The following GHR variants were observed in gnomAD, a reference collection of about 807,000 sequenced individuals.
GHR encodes GH receptor.
GHR carries 35 observed loss-of-function variants against 67.1 expected under a neutral mutation model. The ratio of observed to expected loss-of-function variants is 0.52; its 90% CI spans 0.40 to 0.69. GHR has a LOEUF of 0.69. GHR is among the 30% of genes least tolerant of loss of function. The probability of loss-of-function intolerance (pLI) is 0.00; values close to 1 mark genes in which losing one functional copy is unlikely to be tolerated. For synonymous variants in GHR, 272 were observed against 269.1 expected, an observed-to-expected ratio of 1.01 and a Z score of -0.10; for missense variants, 792 against 764.6, an observed-to-expected ratio of 1.04 and a Z score of -0.42.
At position 42,688,942 on chromosome 5, in the gene GHR, T is replaced by A. The variant is rs2111657575; in HGVS notation, c.189T>A (p.Thr63=). 6.2e-7 allele frequency: 1 copy of A among 1,613,218 alleles called. No homozygotes were observed. Among genetic ancestry groups the A allele is most frequent in the African/African-American group, 1.3e-5 (1 of 75,028 alleles). Reference sequence around the variant, plus strand: ...AGTGCCGTTCACCTGAGCGAGAGACTTTTTCATGCCACTGGACAGATGAGG... The same window carrying A: ...AGTGCCGTTCACCTGAGCGAGAGACATTTTCATGCCACTGGACAGATGAGG... The part of the protein sequence containing the change: ...FTKCRSPERE[T]FSCHWTDEVH... The change falls in exon 4 of 10, where the codon ACT becomes ACA. Residue 63 remains threonine, a synonymous_variant. Coordinates refer to ENST00000230882, the MANE Select transcript of GHR (RefSeq NM_000163.5).
At chr5:42,620,404 G>A (rs1051359664) in intron 2 of GHR, among the ~76,000 whole-genome samples, 1 of 152,124 alleles carries the variant, frequency 6.6e-6, no homozygotes, top group Non-Finnish European at 1.5e-5. Context: ...AGGAGAATAA[G>A]CCATGATCCT....
chr5:42,552,938 C>T (rs1023692495), intron 1 of GHR, among the ~76,000 whole-genome samples: 9 of 152,162 alleles, frequency 5.9e-5, no homozygotes, highest in African/African-American at 1.2e-4. Context: ...TATCACTTAT[C>T]GTTAACTGAT....
intron 5 of GHR, among the ~76,000 whole-genome samples, chr5:42,698,135 A>G (rs553054166): frequency 6.6e-6 from 1 of 152,276 alleles, no homozygotes; most frequent in African/African-American, 2.4e-5. Flanking sequence ...TTGGGGATAT[A>G]TTAAGTTTCA....
At chr5:42,652,266 C>T (rs1755048928) in intron 3 of GHR, among the ~76,000 whole-genome samples, 1 of 141,806 alleles carries the variant, frequency 7.1e-6, no homozygotes, top group African/African-American at 2.6e-5. Flanking sequence ...ACTGATAAAA[C>T]TGCTACAGTG....
At chr5:42,579,574 A>C (rs1751048927) in intron 2 of GHR, among the ~76,000 whole-genome samples, 2 of 152,204 alleles carry the variant, frequency 1.3e-5, no homozygotes, top group African/African-American at 2.4e-5. Context: ...ACAACAACTT[A>C]AACATCAGTT....
intron 1 of GHR, among the ~76,000 whole-genome samples, chr5:42,523,155 A>G (rs1747549754): frequency 6.6e-6 from 1 of 152,230 alleles, no homozygotes; most frequent in South Asian, 2.1e-4. Context: ...ATTAAGTGGA[A>G]TAATTCAACT....
intron 1 of GHR, among the ~76,000 whole-genome samples, chr5:42,538,842 T>A (rs1320104665): frequency 6.6e-6 from 1 of 152,172 alleles, no homozygotes; most frequent in East Asian, 1.9e-4. Context: ...TTTAACATAA[T>A]CCCAGACTTC....
Position 42,424,407 on chromosome 5 carries a change from G to C in GHR, c.-12+452G>C. ...CTGCCTGGCTGCGGCAGGAACTGCCGAGGCTGCTGCTGTTGCGCGGGGAAG... is the reference window on the plus strand; with the variant it reads ...CTGCCTGGCTGCGGCAGGAACTGCCCAGGCTGCTGCTGTTGCGCGGGGAAG... On this transcript the variant is annotated intron_variant, in intron 1 of 9. Coordinates refer to ENST00000230882, the MANE Select transcript of GHR (RefSeq NM_000163.5). This position sits in a 1 kb window ranked among gnomAD's most constrained non-coding sequence, Gnocchi z 4.1. 1.7e-6 allele frequency: 1 copy of C among 605,060 alleles called. No homozygotes were observed. Among genetic ancestry groups the C allele is most frequent in the African/African-American group, 1.8e-5 (1 of 54,134 alleles). 37.5% of individuals were successfully genotyped at this position (605,060 alleles called of 1,614,324 possible). A position where few individuals can be genotyped will look rare whatever the true frequency, so the allele number is the denominator to read the frequency against.
chr5:42,562,481 C>T (rs1267534148), intron 1 of GHR, among the ~76,000 whole-genome samples: 1 of 152,090 alleles, frequency 6.6e-6, no homozygotes, highest in East Asian at 1.9e-4. Flanking sequence ...CTGCATTCAC[C>T]TCCTGTTTGG....
In GHR at chr5:42,507,805, G is replaced by A. The variant is rs544856436; in HGVS notation, c.-11-58059G>A. ...AAGCTAAAGTTCTGGAGAGACATAG[G>A]CTAGGCCAGAGCATAGGAATGTGGG... is the stretch of plus-strand genomic sequence containing the variant. On this transcript the variant is annotated intron_variant, in intron 1 of 9. Coordinates refer to ENST00000230882, the MANE Select transcript of GHR (RefSeq NM_000163.5). Among the ~76,000 whole-genome samples the A allele has an allele frequency of 4.6e-5, 7 of 152,284 alleles. No homozygotes were observed. The South Asian group carries it at 1.2e-3, about 27-fold the overall frequency.
At position 42,567,767 on chromosome 5, in the gene GHR, C is replaced by CTGTCTG. The variant is rs1750027601; in HGVS notation, c.70+1826_70+1827insCTGTGT. ...CCAGTGTGTGTGTGCATGCTTGGCT[C>CTGTCTG]TGTGTGTGTGTGTGTGTGTGTGTGT... On this transcript the variant is annotated intron_variant, in intron 2 of 9. Transcript: ENST00000230882. 4.3e-5 allele frequency among the ~76,000 whole-genome samples: 6 copies of CTGTCTG among 140,816 alleles called. No individual in the cohort carries two copies. In the South Asian group the frequency reaches 1.5e-3, roughly 35 times the overall value. 92.4% of individuals were successfully genotyped at this position (140,816 alleles called of 152,430 possible). A position where few individuals can be genotyped will look rare whatever the true frequency, so the allele number is the denominator to read the frequency against.
At chr5:42,475,917 T>A (rs1329548881) in intron 1 of GHR, among the ~76,000 whole-genome samples, 1 of 142,292 alleles carries the variant, frequency 7.0e-6, no homozygotes, top group Non-Finnish European at 1.5e-5. Flanking sequence ...ATTTTTTTTT[T>A]TTTTTTGAGA....
chr5:42,647,645 CTTCTAGGAGTCTTACAT>C (rs748207248), intron 3 of GHR: 1 of 445,790 alleles, frequency 2.2e-6, no homozygotes, highest in South Asian at 1.6e-5. Context: ...ATTTCATTTA[CTTCTAGGAGTCTTACAT>C]GCAAGCCTAA....
In GHR at chr5:42,468,444, T is replaced by A. The variant is rs1374933551; in HGVS notation, c.-12+44489T>A. 49 of 914,708 alleles carry A rather than the reference T, an allele frequency of 5.4e-5. No individual in the cohort carries two copies. The South Asian group carries it at 7.9e-4, about 15-fold the overall frequency. 56.7% of individuals were successfully genotyped at this position (914,708 alleles called of 1,614,324 possible). On this transcript the variant is annotated intron_variant, in intron 1 of 9. Coordinates refer to ENST00000230882, the MANE Select transcript of GHR (RefSeq NM_000163.5). ...TTTCCTCCCAGGGCCAAGATGAGTA[T>A]TGCCTACGTGCGCAGCTGAGAGGCC...
chr5:42,499,920 CAAGCATATGTCCCTTCT>C (rs1353838644), intron 1 of GHR, among the ~76,000 whole-genome samples: 7 of 152,224 alleles, frequency 4.6e-5, no homozygotes, highest in Non-Finnish European at 1.0e-4. Flanking sequence ...TGCACACAGG[CAAGCATATGTCCCTTCT>C]AGAGAAATTA....
chr5:42,675,011 TTTTAATTA>T (rs1756501953), intron 3 of GHR, among the ~76,000 whole-genome samples: 1 of 152,194 alleles, frequency 6.6e-6, no homozygotes, highest in Admixed American at 6.5e-5. Context: ...TTGCTTTCTA[TTTTAATTA>T]TTTAATTATT....
At chr5:42,523,925 C>T (rs1386841938) in intron 1 of GHR, among the ~76,000 whole-genome samples, 2 of 152,136 alleles carry the variant, frequency 1.3e-5, no homozygotes, top group Non-Finnish European at 2.9e-5. Context: ...TTTTCTCTTG[C>T]CACCACCATG....
At chr5:42,519,721 A>G (rs552450042) in intron 1 of GHR, among the ~76,000 whole-genome samples, 195 of 152,330 alleles carry the variant, frequency 1.3e-3, no homozygotes, top group Non-Finnish European at 2.3e-3. Flanking sequence ...TCTTTTAGGT[A>G]GCCTTCATGT....
chr5:42,680,694 G>A (rs950154856), intron 3 of GHR, among the ~76,000 whole-genome samples: 6 of 151,804 alleles, frequency 4.0e-5, no homozygotes, highest in East Asian at 3.9e-4. Context: ...TAGTAGAGAC[G>A]GAGTTTCACT....
Sources: allele counts gnomAD v4.1 joint callset (sites outside exome capture counted in the v4.1 genomes callset), GRCh38; gene constraint gnomAD v4.1.1; non-coding constraint Gnocchi (gnomAD v3.1); transcripts MANE v1.5; gene names NCBI Gene and HGNC (gene_info 2026-07-23, HGNC 2026-07-21).